CRAMP1: variants seen among roughly 807,000 people sequenced by gnomAD.
CRAMP1 encodes the protein cramped chromatin regulator 1, also known as protein cramped-like.
A neutral mutation model predicts 115.4 loss-of-function variants in CRAMP1; 50 were observed. That is an observed-to-expected ratio of 0.43 (90% confidence interval 0.35 to 0.55). The LOEUF (loss-of-function observed/expected upper bound fraction) is 0.55, where lower values mean the gene tolerates loss of function less well. Ranked by LOEUF, CRAMP1 falls within the 20% of genes least tolerant of loss-of-function variation. CRAMP1 has a pLI of 0.01. For missense variants in CRAMP1, 1,679 were observed against 1,721.7 expected (o/e 0.98, Z 0.44); for synonymous variants, 866 against 745.4 (o/e 1.16, Z -2.64).
chr16:1,664,139 G>A (rs946757131), intron 13 of CRAMP1, among the ~76,000 whole-genome samples: 17 of 152,184 alleles, frequency 1.1e-4, no homozygotes, highest in African/African-American at 3.6e-4. Context: ...CCCCAGAGGC[G>A]GAAGCGCCTC....
At chr16:1,626,221 T>C in intron 3 of CRAMP1, 55 bp downstream of exon 3, 1 of 1,391,474 alleles carries the variant, frequency 7.2e-7, no homozygotes, top group Non-Finnish European at 9.6e-7. Flanking sequence ...CTCGGATCCC[T>C]GCCCTCCGTT....
chr16:1,655,367 G>A lies in CRAMP1; in HGVS notation c.1119+67G>A, dbSNP rs12443570. The A allele has an allele frequency of 0.021, 24,857 of 1,208,126 alleles. 2,408 individuals carry two copies. In the Admixed American group the frequency reaches 0.23, roughly 11 times the overall value. 74.8% of individuals were successfully genotyped at this position (1,208,126 alleles called of 1,614,324 possible). ...CCTCTGCTGCCCAGAGATGGACCAC[G>A]CCTCCCTGTGCCTGTCATCGTCATG... is the stretch of plus-strand genomic sequence containing the variant. On this transcript the variant is annotated intron_variant, in intron 9 of 20. Coordinates refer to ENST00000397412, the MANE Select transcript of CRAMP1 (RefSeq NM_020825.4).
chr16:1,623,063 AT>A (rs2036479146), intron 2 of CRAMP1, among the ~76,000 whole-genome samples: 1 of 152,048 alleles, frequency 6.6e-6, no homozygotes, highest in African/African-American at 2.4e-5. Context: ...CGCCCGGTTA[AT>A]TTTTGTATTT....
intron 11 of CRAMP1, among the ~76,000 whole-genome samples, chr16:1,661,333 C>T (rs984007605): frequency 6.6e-6 from 1 of 150,424 alleles, no homozygotes; most frequent in Non-Finnish European, 1.5e-5. Flanking sequence ...GTCCTGGCCT[C>T]CTGGGTGACG....
chr16:1,649,785 ATTTTTTTTTTTTTT>A (rs35942594), intron 6 of CRAMP1, among the ~76,000 whole-genome samples: 1 of 65,738 alleles, frequency 1.5e-5, no homozygotes, highest in South Asian at 6.0e-4. Flanking sequence ...ATGAGCCACT[ATTTTTTTTTTTTTT>A]TTTTTTTTTT....
chr16:1,640,918 G>T (rs2036626230), intron 5 of CRAMP1, among the ~76,000 whole-genome samples: 2 of 152,316 alleles, frequency 1.3e-5, no homozygotes, highest in South Asian at 4.2e-4. Flanking sequence ...CCAGGCAGGG[G>T]CGTGCCAGGC....
intron 6 of CRAMP1, among the ~76,000 whole-genome samples, chr16:1,646,507 A>G (rs2036675578): frequency 6.6e-6 from 1 of 152,060 alleles, no homozygotes; most frequent in Non-Finnish European, 1.5e-5. Flanking sequence ...GTCTTTGGTG[A>G]AGTACCTGTT....
chr16:1,637,279 G>C (rs1267034651), intron 4 of CRAMP1, among the ~76,000 whole-genome samples: 1 of 151,810 alleles, frequency 6.6e-6, no homozygotes, highest in East Asian at 1.9e-4. Context: ...GGGCGAGAGA[G>C]TGAGACCCTG....
chr16:1,665,360 T>C (rs547312327), intron 14 of CRAMP1, among the ~76,000 whole-genome samples: 2 of 152,320 alleles, frequency 1.3e-5, no homozygotes, highest in South Asian at 4.1e-4. Flanking sequence ...GTGCCCTTCG[T>C]CTGTGGCCTC....
chr16:1,657,809 C>T (rs371555020), intron 10 of CRAMP1, among the ~76,000 whole-genome samples: 5 of 152,300 alleles, frequency 3.3e-5, no homozygotes, highest in South Asian at 2.1e-4. Context: ...CAAGGTCCCA[C>T]GGCAGGTCCA....
At chr16:1,637,999 T>C (rs1596487126) in intron 5 of CRAMP1, 92 bp downstream of exon 5, 1 of 580,830 alleles carries the variant, frequency 1.7e-6, no homozygotes, top group African/African-American at 1.9e-5. Context: ...AGTTTCCCTC[T>C]AACTTTTATC....
intron 1 of CRAMP1, among the ~76,000 whole-genome samples, chr16:1,613,969 A>G (rs1312424890): frequency 2.6e-5 from 4 of 151,954 alleles, no homozygotes; most frequent in African/African-American, 9.7e-5. Context: ...GCATTGGGCC[A>G]CCATGGAGTT....
rs932054082 is a variant in CRAMP1 at position 1,626,047 on chromosome 16, T to A, written c.421T>A (p.Ser141Thr). Residue 141 changes from serine (S) to threonine (T), a missense_variant, in exon 3 of 21, where the codon TCC becomes ACC. Ser to Thr is a moderately conservative substitution (Grantham distance 58, BLOSUM62 1). Around this residue, in one of 8 missense-constraint regions of CRAMP1, gnomAD observed 264 missense variants for 229.7 expected, o/e 1.15. Coordinates refer to ENST00000397412, the MANE Select transcript of CRAMP1 (RefSeq NM_020825.4). The stretch of plus-strand genomic sequence containing the variant: ...TGCTGCCCCTGCAGGGGGCTCGCGC[T>A]CCTCCTCCCGGAACTTAGGGTCTTC... ...APAAPAGGSR[S>T]SSRNLGSSGG... 5 of 1,551,430 alleles carry A rather than the reference T, an allele frequency of 3.2e-6. No individual in the cohort carries two copies.
intron 8 of CRAMP1, among the ~76,000 whole-genome samples, 191 bp downstream of exon 8, chr16:1,653,347 C>G (rs1048388841): frequency 6.6e-6 from 1 of 152,162 alleles, no homozygotes; most frequent in Non-Finnish European, 1.5e-5. Context: ...TGTATCTGGG[C>G]AGGGATCGCC....
intron 6 of CRAMP1, among the ~76,000 whole-genome samples, chr16:1,644,081 T>C (rs970142240): frequency 3.3e-5 from 5 of 152,240 alleles, no homozygotes; most frequent in African/African-American, 1.2e-4. Flanking sequence ...TTTGCCCGTG[T>C]AGCCAAGGAT....
At chr16:1,616,472 A>G (rs2036421042) in intron 2 of CRAMP1, among the ~76,000 whole-genome samples, 1 of 152,250 alleles carries the variant, frequency 6.6e-6, no homozygotes, top group African/African-American at 2.4e-5. Context: ...CTAAAATGAA[A>G]TAGTGCATTG....
intron 2 of CRAMP1, among the ~76,000 whole-genome samples, chr16:1,623,049 A>G (rs2036478977): frequency 6.6e-6 from 1 of 151,810 alleles, no homozygotes; most frequent in African/African-American, 2.4e-5. Context: ...GGCGCCCACC[A>G]CCACGCCCGG....
At chr16:1,660,811 A>G (rs186989480) in intron 11 of CRAMP1, among the ~76,000 whole-genome samples, 136 of 152,300 alleles carry the variant, frequency 8.9e-4, no homozygotes, top group African/African-American at 3.2e-3. Flanking sequence ...GTTCCATACC[A>G]GCCTGGCCAA....
chr16:1,616,440 T>C (rs2036420791), intron 2 of CRAMP1, among the ~76,000 whole-genome samples: 1 of 152,228 alleles, frequency 6.6e-6, no homozygotes, highest in African/African-American at 2.4e-5. Context: ...AGCAGCTACT[T>C]CACCCCGTTG....
Sources: allele counts gnomAD v4.1 joint callset (sites outside exome capture counted in the v4.1 genomes callset), GRCh38; gene constraint gnomAD v4.1.1; regional missense constraint gnomAD v4.1.1; transcripts MANE v1.5; gene names NCBI Gene and HGNC (gene_info 2026-07-23, HGNC 2026-07-21).